The following FHIT variants were observed in gnomAD, a reference collection of about 807,000 sequenced individuals.
The protein encoded by FHIT is bis(5'-adenosyl)-triphosphatase.
FHIT carries 19 observed loss-of-function variants against 17.9 expected under a neutral mutation model. The observed-to-expected ratio is 1.06, with a 90% CI of 0.74 to 1.56. The LOEUF (loss-of-function observed/expected upper bound fraction) is 1.56, where lower values mean the gene tolerates loss of function less well. Ranked by LOEUF, FHIT falls within the 40% of genes most tolerant of loss-of-function variation. FHIT has a pLI of 0.00. For synonymous variants in FHIT, 81 were observed against 69.7 expected (o/e 1.16, Z -0.81); for missense variants, 248 against 189.2 (o/e 1.31, Z -1.82).
intron 2 of FHIT, among the ~76,000 whole-genome samples, chr3:61,058,417 C>T (rs1187923405): frequency 1.3e-5 from 2 of 152,136 alleles, no homozygotes; most frequent in African/African-American, 4.8e-5. Context: ...ATGAATAGTG[C>T]TATGGTTTGG....
intron 5 of FHIT, among the ~76,000 whole-genome samples, chr3:60,331,055 T>G (rs1709945068): frequency 6.6e-6 from 1 of 152,174 alleles, no homozygotes; most frequent in Admixed American, 6.5e-5. Context: ...CCTGCATATC[T>G]TAGCGTGGAG....
At chr3:60,588,059 TAACTC>T (rs2037963271) in intron 4 of FHIT, among the ~76,000 whole-genome samples, 2 of 152,008 alleles carry the variant, frequency 1.3e-5, no homozygotes, top group African/African-American at 4.8e-5. Context: ...GTCCATAACT[TAACTC>T]AAATGTTCTT....
chr3:60,658,063 CTG>C (rs1553690145), intron 4 of FHIT, among the ~76,000 whole-genome samples: 1 of 152,134 alleles, frequency 6.6e-6, no homozygotes, highest in Non-Finnish European at 1.5e-5. Flanking sequence ...TCTTGCAAAA[CTG>C]AAACTCTATA....
intron 5 of FHIT, among the ~76,000 whole-genome samples, chr3:60,238,447 CAAAAA>C (rs374701930): frequency 8.5e-6 from 1 of 117,548 alleles, no homozygotes; most frequent in Non-Finnish European, 1.7e-5. Context: ...CTGTACTAAG[CAAAAA>C]AAAAAAAAAA....
intron 5 of FHIT, among the ~76,000 whole-genome samples, chr3:60,384,873 A>G (rs1700949276): frequency 6.6e-6 from 1 of 151,970 alleles, no homozygotes; most frequent in East Asian, 1.9e-4. Flanking sequence ...AATCATTTAT[A>G]TAAAAACCTA....
intron 2 of FHIT, among the ~76,000 whole-genome samples, chr3:61,140,212 C>T (rs1259359286): frequency 6.6e-6 from 1 of 152,082 alleles, no homozygotes. Context: ...ATAGTGATAC[C>T]TATCTTATTG....
At chr3:60,814,021 C>T (rs1701652432) in intron 4 of FHIT, among the ~76,000 whole-genome samples, 1 of 151,940 alleles carries the variant, frequency 6.6e-6, no homozygotes, top group Non-Finnish European at 1.5e-5. Flanking sequence ...GCTGTTCTTG[C>T]TTTTTTATAC....
At chr3:60,073,044 C>T (rs1195958445) in intron 5 of FHIT, among the ~76,000 whole-genome samples, 1 of 152,160 alleles carries the variant, frequency 6.6e-6, no homozygotes, top group African/African-American at 2.4e-5. Context: ...TCCTATCATC[C>T]AAGTTTGAAA....
chr3:60,293,561 T>C (rs1019804872), intron 5 of FHIT, among the ~76,000 whole-genome samples: 9 of 152,176 alleles, frequency 5.9e-5, no homozygotes, highest in Non-Finnish European at 7.4e-5. Flanking sequence ...CACCTAACTA[T>C]ATGCTTTCTT....
intron 5 of FHIT, among the ~76,000 whole-genome samples, chr3:60,108,945 G>A (rs1704548806): frequency 6.6e-6 from 1 of 152,190 alleles, no homozygotes; most frequent in Admixed American, 6.5e-5. Flanking sequence ...TTACAGGCGT[G>A]AGCCACCATG....
chr3:60,684,475 A>G (rs1320207701), intron 4 of FHIT, among the ~76,000 whole-genome samples: 12 of 152,118 alleles, frequency 7.9e-5, no homozygotes, highest in African/African-American at 2.9e-4. Context: ...CAGACTCCAG[A>G]GTTCATGTTC....
At chr3:61,216,070 G>A (rs1273737964) in intron 1 of FHIT, among the ~76,000 whole-genome samples, 1 of 152,034 alleles carries the variant, frequency 6.6e-6, no homozygotes, top group Non-Finnish European at 1.5e-5. Flanking sequence ...TACCATTCAG[G>A]ACATAGGCAT....
chr3:60,439,366 C>G (rs973127682), intron 5 of FHIT, among the ~76,000 whole-genome samples: 1 of 152,122 alleles, frequency 6.6e-6, no homozygotes, highest in African/African-American at 2.4e-5. Context: ...TTTCAATCAA[C>G]TGACAAACTA....
chr3:60,145,121 C>T (rs1209605682), intron 5 of FHIT, among the ~76,000 whole-genome samples: 9 of 151,780 alleles, frequency 5.9e-5, no homozygotes, highest in Non-Finnish European at 1.2e-4. Flanking sequence ...AAATCTTATT[C>T]ATATGTTCTC....
chr3:61,216,088 G>T (rs533675183), intron 1 of FHIT, among the ~76,000 whole-genome samples: 1 of 152,100 alleles, frequency 6.6e-6, no homozygotes, highest in African/African-American at 2.4e-5. Flanking sequence ...CATGGGCAAG[G>T]ACTTCATGTC....
intron 3 of FHIT, among the ~76,000 whole-genome samples, chr3:60,944,250 T>C (rs1207301716): frequency 6.6e-6 from 1 of 152,208 alleles, no homozygotes; most frequent in African/African-American, 2.4e-5. Context: ...GTTTTTATGG[T>C]TTTATTCCAA....
chr3:60,175,152 A>G (rs537182992), intron 5 of FHIT, among the ~76,000 whole-genome samples: 19 of 152,310 alleles, frequency 1.2e-4, no homozygotes, highest in Non-Finnish European at 2.6e-4. Context: ...GCCGCATGTT[A>G]ATAAAACACC....
At chr3:59,933,115 A>T (rs925559042) in intron 7 of FHIT, among the ~76,000 whole-genome samples, 18 of 152,156 alleles carry the variant, frequency 1.2e-4, no homozygotes. Context: ...ATGGAAATAA[A>T]TGCATCACCC....
chr3:59,882,835 G>C (rs1163639397), intron 8 of FHIT, among the ~76,000 whole-genome samples: 1 of 152,200 alleles, frequency 6.6e-6, no homozygotes, highest in African/African-American at 2.4e-5. Flanking sequence ...ATGTTCCTTA[G>C]TGTTGAACAC....
Sources: gnomAD v4.1 joint callset for allele counts (sites outside exome capture counted in the v4.1 genomes callset) on GRCh38, gnomAD v4.1.1 for gene constraint, MANE v1.5 for transcripts, NCBI Gene and HGNC (gene_info 2026-07-23, HGNC 2026-07-21) for gene names.